LRRC28: variants seen among roughly 807,000 people sequenced by gnomAD.
The protein encoded by LRRC28 is leucine rich repeat containing 28.
In LRRC28, 39 loss-of-function variants were observed where a neutral mutation model predicts 45.7. The ratio of observed to expected loss-of-function variants is 0.85; its 90% CI spans 0.66 to 1.12. LRRC28 has a LOEUF of 1.12. Among genes scored for constraint, LRRC28 ranks in the 50% most tolerant of loss-of-function variants. The probability of loss-of-function intolerance (pLI) is 0.00; values close to 1 mark genes in which losing one functional copy is unlikely to be tolerated. For missense variants in LRRC28, 435 were observed against 438.5 expected, an observed-to-expected ratio of 0.99 and a Z score of 0.07; for synonymous variants, 206 against 178.8, an observed-to-expected ratio of 1.15 and a Z score of -1.22.
intron 5 of LRRC28, among the ~76,000 whole-genome samples, chr15:99,295,940 A>G (rs564220173): frequency 7.2e-5 from 11 of 152,316 alleles, no homozygotes; most frequent in African/African-American, 2.2e-4. Flanking sequence ...GAAATTTAGT[A>G]TCCTTTCTTA....
chr15:99,314,987 C>A lies in LRRC28; in HGVS notation c.386-18936C>A, dbSNP rs1470571614. ...ATAAGATGTATATACAACTTTAAAT[C>A]TTGGATTTTATTTACATAGGGTGTT... On this transcript the variant is annotated intron_variant, in intron 5 of 9. Coordinates refer to ENST00000301981, the MANE Select transcript of LRRC28 (RefSeq NM_144598.5). 5.9e-5 allele frequency among the ~76,000 whole-genome samples: 9 copies of A among 152,142 alleles called. No homozygotes were observed. The South Asian group carries it at 1.4e-3, about 25-fold the overall frequency.
chr15:99,291,871 G>A (rs1266012909), intron 5 of LRRC28, among the ~76,000 whole-genome samples: 1 of 152,218 alleles, frequency 6.6e-6, no homozygotes, highest in Admixed American at 6.5e-5. Context: ...CATAGTGGGT[G>A]TGAAGTAGTA....
chr15:99,254,537 C>G (rs2080959946), intron 1 of LRRC28, among the ~76,000 whole-genome samples: 2 of 151,896 alleles, frequency 1.3e-5, no homozygotes, highest in African/African-American at 4.8e-5. Context: ...GGAAAACAGT[C>G]AAATCTTTAA....
At chr15:99,363,893 CT>C (rs1397288531) in intron 9 of LRRC28, among the ~76,000 whole-genome samples, 1 of 152,148 alleles carries the variant, frequency 6.6e-6, no homozygotes. Context: ...AGTTTATGGG[CT>C]TCCTAAATTT....
chr15:99,386,056 A>G lies in LRRC28; in HGVS notation c.1058A>G (p.Tyr353Cys), dbSNP rs200409470. 30 of 1,613,972 alleles carry G rather than the reference A, an allele frequency of 1.9e-5. No homozygotes were observed. The highest frequency in any genetic ancestry group is 2.5e-5 in the Non-Finnish European group (30 of 1,179,996). The change falls in exon 10 of 10, where the codon TAC (tyrosine) becomes TGC (cysteine). Residue 353 changes from tyrosine to cysteine, a missense_variant. Tyr to Cys is a radical substitution (Grantham distance 194). Transcript: ENST00000301981. ...QWKTTVSFVA[Y>C]CCSTQCLQTF... ...AAGACAACTGTTAGTTTTGTGGCTT[A>G]CTGCTGCTCCACCCAGTGTCTGCAG...
chr15:99,279,193 G>T (rs555559442), intron 3 of LRRC28, among the ~76,000 whole-genome samples: 2 of 152,166 alleles, frequency 1.3e-5, no homozygotes, highest in African/African-American at 4.8e-5. Flanking sequence ...ATAGCATAAT[G>T]TTTTCAAGGT....
intron 3 of LRRC28, 106 bp from the exon 4 acceptor site, chr15:99,287,151 G>A: frequency 1.1e-6 from 1 of 889,246 alleles, no homozygotes; most frequent in Non-Finnish European, 1.7e-6. Flanking sequence ...TGCAAAAGTT[G>A]TGGCCTATTT....
At chr15:99,275,117 A>G (rs1420737910) in intron 2 of LRRC28, among the ~76,000 whole-genome samples, 1 of 152,100 alleles carries the variant, frequency 6.6e-6, no homozygotes, top group Admixed American at 6.6e-5. Context: ...AGAGAGAGAT[A>G]TTATATGTAT....
At chr15:99,355,573 T>C (rs1257128470) in intron 7 of LRRC28, 1 of 152,208 alleles carries the variant, frequency 6.6e-6, no homozygotes, top group African/African-American at 2.4e-5. Flanking sequence ...TTTCTTGTTA[T>C]TACAGGAGTA....
intron 3 of LRRC28, chr15:99,285,579 C>T (rs1048398162): frequency 4.4e-5 from 33 of 754,578 alleles, no homozygotes; most frequent in African/African-American, 2.1e-4. Flanking sequence ...TTAGACTTGA[C>T]GGCAGGGGGA....
intron 6 of LRRC28, among the ~76,000 whole-genome samples, chr15:99,336,938 G>A (rs530330862): frequency 6.6e-5 from 10 of 152,284 alleles, no homozygotes; most frequent in Non-Finnish European, 1.5e-4. Context: ...CATTGAGCCT[G>A]CCAGAGTCTG....
At chr15:99,254,978 T>C (rs149602282) in intron 1 of LRRC28, among the ~76,000 whole-genome samples, 189 of 152,370 alleles carry the variant, frequency 1.2e-3, no homozygotes, top group African/African-American at 3.8e-3. Context: ...AGTGCAGTGT[T>C]TCTTCTTTCA....
chr15:99,291,978 G>A (rs2082133270), intron 5 of LRRC28, among the ~76,000 whole-genome samples: 1 of 152,104 alleles, frequency 6.6e-6, no homozygotes. Flanking sequence ...AAATCTTTTT[G>A]AATTATAGGA....
At chr15:99,293,269 A>G (rs544628930) in intron 5 of LRRC28, among the ~76,000 whole-genome samples, 32 of 152,180 alleles carry the variant, frequency 2.1e-4, no homozygotes, top group African/African-American at 7.7e-4. Context: ...AAACTCCATT[A>G]GATAATATTA....
chr15:99,265,557 C>G (rs1399251417), intron 2 of LRRC28, among the ~76,000 whole-genome samples: 1 of 152,128 alleles, frequency 6.6e-6, no homozygotes, highest in African/African-American at 2.4e-5. Context: ...TTACAACCTT[C>G]CCTGCATCGG....
chr15:99,370,903 T>G (rs1957466508), intron 9 of LRRC28, among the ~76,000 whole-genome samples: 1 of 152,226 alleles, frequency 6.6e-6, no homozygotes, highest in Non-Finnish European at 1.5e-5. Context: ...CTTTGAGTAG[T>G]GTTAAATTTT....
At chr15:99,294,165 G>C (rs1182778193) in intron 5 of LRRC28, among the ~76,000 whole-genome samples, 1 of 152,176 alleles carries the variant, frequency 6.6e-6, no homozygotes, top group Non-Finnish European at 1.5e-5. Flanking sequence ...TCTTGATACA[G>C]GATTTTTTAT....
intron 6 of LRRC28, among the ~76,000 whole-genome samples, chr15:99,346,539 G>A (rs954563094): frequency 2.0e-5 from 3 of 152,172 alleles, no homozygotes; most frequent in African/African-American, 7.2e-5. Flanking sequence ...GCCGTGTTGA[G>A]ACATTTGAAG....
At position 99,356,565 on chromosome 15, in the gene LRRC28, G is replaced by T. The variant is rs552482494; in HGVS notation, c.695+4094G>T. 2.0e-5 allele frequency among the ~76,000 whole-genome samples: 3 copies of T among 152,242 alleles called. 1 individual carries two copies. In the South Asian group the frequency reaches 6.2e-4, roughly 32 times the overall value. On this transcript the variant is annotated intron_variant, in intron 7 of 9. Coordinates refer to ENST00000301981, the MANE Select transcript of LRRC28 (RefSeq NM_144598.5). ...CAGGGACCTGCTAGCCAATATAAAA[G>T]AATCTTATGCATGTATAATTGGCAT... is the stretch of plus-strand genomic sequence containing the variant.
Sources: gnomAD v4.1 joint callset for allele counts (sites outside exome capture counted in the v4.1 genomes callset) on GRCh38, gnomAD v4.1.1 for gene constraint, MANE v1.5 for transcripts, NCBI Gene and HGNC (gene_info 2026-07-23, HGNC 2026-07-21) for gene names.